The following PRKCA variants were observed in gnomAD, a reference collection of about 807,000 sequenced individuals.
The protein encoded by PRKCA is protein kinase C alpha.
PRKCA carries 27 observed loss-of-function variants against 87.0 expected under a neutral mutation model. The ratio of observed to expected loss-of-function variants is 0.31; its 90% CI spans 0.23 to 0.43. The LOEUF (loss-of-function observed/expected upper bound fraction) is 0.43. Among genes scored for constraint, PRKCA ranks in the 20% least tolerant of loss-of-function variants. The pLI, the probability that PRKCA is intolerant of heterozygous loss-of-function variation, is 1.00. For synonymous variants in PRKCA, 329 were observed against 311.1 expected (o/e 1.06, Z -0.61); for missense variants, 518 against 852.3 (o/e 0.61, Z 4.88).
At chr17:66,483,890 C>T (rs555206308) in intron 2 of PRKCA, among the ~76,000 whole-genome samples, 29 of 152,040 alleles carry the variant, frequency 1.9e-4, no homozygotes, top group African/African-American at 6.3e-4. Context: ...TTCTGAGGTA[C>T]TAGAAGCTAG....
intron 2 of PRKCA, among the ~76,000 whole-genome samples, chr17:66,425,286 A>G (rs1421707921): frequency 1.3e-5 from 2 of 151,614 alleles, no homozygotes; most frequent in African/African-American, 2.4e-5. Flanking sequence ...ACCAACATCC[A>G]CAGACCTCTC....
At position 66,439,160 on chromosome 17, in the gene PRKCA, C is replaced by G. The variant is rs116803322; in HGVS notation, c.206-57041C>G. Among the ~76,000 whole-genome samples the G allele has an allele frequency of 4.1e-3, 627 of 152,004 alleles. 2 individuals carry two copies. The highest frequency in any genetic ancestry group is 0.014 in the African/African-American group (596 of 41,490). ...CCAACAGCCTGTACTACATTAAATA[C>G]TACTGTTACCCACTTTTCTTTTCTT... On this transcript the variant is annotated intron_variant, in intron 2 of 16. Coordinates refer to ENST00000413366, the MANE Select transcript of PRKCA (RefSeq NM_002737.3).
At chr17:66,466,007 A>G (rs1915070637) in intron 2 of PRKCA, among the ~76,000 whole-genome samples, 1 of 152,166 alleles carries the variant, frequency 6.6e-6, no homozygotes, top group Non-Finnish European at 1.5e-5. Flanking sequence ...GTAGGGCTAT[A>G]TAGTTCTCTG....
At chr17:66,527,969 G>A (rs1036988624) in intron 3 of PRKCA, among the ~76,000 whole-genome samples, 2 of 152,114 alleles carry the variant, frequency 1.3e-5, no homozygotes, top group African/African-American at 4.8e-5. Context: ...AGGTCAAGGC[G>A]GGCGGATCAC....
At chr17:66,778,514 T>A (rs923319399) in intron 14 of PRKCA, among the ~76,000 whole-genome samples, 9 of 151,712 alleles carry the variant, frequency 5.9e-5, no homozygotes, top group African/African-American at 1.9e-4. Context: ...AGACTCCATC[T>A]CAAAAAAATA....
rs138102020 is a variant in PRKCA, at chr17:66,459,598, G to A, written c.206-36603G>A. 1.1e-4 allele frequency among the ~76,000 whole-genome samples: 17 copies of A among 152,274 alleles called. No homozygotes were observed. In the East Asian group the frequency reaches 2.7e-3, roughly 24 times the overall value. On this transcript the variant is annotated intron_variant, in intron 2 of 16. Transcript: ENST00000413366. ...AAAAGTGCCAGATAAATGAGATTCC[G>A]CTTGATTTGAGAGCTAAGTTCTATG...
chr17:66,795,632 C>A (rs1355941763), intron 16 of PRKCA, among the ~76,000 whole-genome samples: 2 of 152,180 alleles, frequency 1.3e-5, no homozygotes, highest in Admixed American at 1.3e-4. Flanking sequence ...CTACTGCAAG[C>A]CTCTGGGAGC....
At chr17:66,708,029 A>G (rs921678514) in intron 8 of PRKCA, among the ~76,000 whole-genome samples, 4 of 152,222 alleles carry the variant, frequency 2.6e-5, no homozygotes, top group African/African-American at 9.6e-5. Context: ...CGTGTGGCCA[A>G]GGTGCTCATG....
intron 3 of PRKCA, among the ~76,000 whole-genome samples, chr17:66,561,189 C>T (rs997708261): frequency 5.3e-5 from 8 of 152,120 alleles, no homozygotes; most frequent in African/African-American, 1.7e-4. Context: ...GTAGATGCAC[C>T]GAAATGATCG....
chr17:66,644,451 G>A lies in PRKCA; in HGVS notation c.401-932G>A, dbSNP rs1020244020. Reference sequence around the variant, plus strand: ...TAAAGGTACAAGGGTGATCGAGCTGGAACACCCACACACAGTCTTCTGTTT... The same window carrying A: ...TAAAGGTACAAGGGTGATCGAGCTGAAACACCCACACACAGTCTTCTGTTT... On this transcript the variant is annotated intron_variant, in intron 4 of 16. Coordinates refer to ENST00000413366, the MANE Select transcript of PRKCA (RefSeq NM_002737.3). 5.9e-5 allele frequency among the ~76,000 whole-genome samples: 9 copies of A among 152,206 alleles called. No homozygotes were observed. The South Asian group carries it at 1.0e-3, about 18-fold the overall frequency.
intron 3 of PRKCA, among the ~76,000 whole-genome samples, chr17:66,507,894 A>G (rs1219508793): frequency 6.6e-6 from 1 of 152,192 alleles, no homozygotes; most frequent in African/African-American, 2.4e-5. Context: ...TTTGCTGCTT[A>G]ATACATTTCC....
chr17:66,322,181 G>T (rs933265145), intron 2 of PRKCA, among the ~76,000 whole-genome samples: 2 of 152,090 alleles, frequency 1.3e-5, no homozygotes, highest in Non-Finnish European at 2.9e-5. Context: ...TTATGTCATT[G>T]CCTGGTCTCT....
rs376898012 is a variant in PRKCA, at chr17:66,645,503, A to T, written c.521A>T (p.His174Leu). The change falls in exon 5 of 17, where the codon CAT (histidine) becomes CTT (leucine). Residue 174 changes from histidine (H) to leucine (L), a missense_variant. Coordinates refer to ENST00000413366, the MANE Select transcript of PRKCA (RefSeq NM_002737.3). ...LKAEVADEKL[H>L]VTVRDAKNLI... ...GCTGAGGTTGCTGATGAAAAGCTCC[A>T]TGTCACAGGTAAGGCTTGCTCATCC... 23 of 1,614,044 alleles carry T rather than the reference A, an allele frequency of 1.4e-5. No homozygotes were observed. The highest frequency in any genetic ancestry group is 1.8e-5 in the Non-Finnish European group (21 of 1,180,022).
intron 3 of PRKCA, among the ~76,000 whole-genome samples, chr17:66,502,781 A>G (rs1283262852): frequency 2.0e-5 from 3 of 151,696 alleles, no homozygotes; most frequent in South Asian, 4.2e-4. Context: ...TAGCCTCCCA[A>G]GTAGCTGGGA....
At chr17:66,493,368 A>G (rs1324519365) in intron 2 of PRKCA, among the ~76,000 whole-genome samples, 1 of 151,596 alleles carries the variant, frequency 6.6e-6, no homozygotes, top group Admixed American at 6.6e-5. Context: ...TTACCCATGT[A>G]AAAAATCTTG....
At chr17:66,382,086 C>A (rs1032822839) in intron 2 of PRKCA, among the ~76,000 whole-genome samples, 1 of 151,964 alleles carries the variant, frequency 6.6e-6, no homozygotes, top group African/African-American at 2.4e-5. Flanking sequence ...ACAGATGGAG[C>A]GGTGCAAGGC....
chr17:66,667,707 A>C (rs1473780502), intron 5 of PRKCA, among the ~76,000 whole-genome samples: 1 of 152,230 alleles, frequency 6.6e-6, no homozygotes, highest in Non-Finnish European at 1.5e-5. Context: ...AGCAAAGGTA[A>C]GAGTGTCTGC....
intron 2 of PRKCA, among the ~76,000 whole-genome samples, chr17:66,435,777 G>A (rs1366919176): frequency 6.6e-6 from 1 of 152,198 alleles, no homozygotes; most frequent in Non-Finnish European, 1.5e-5. Flanking sequence ...GTCTTAAGCT[G>A]TGTCTTAAAG....
chr17:66,316,378 T>C (rs1015199875), intron 2 of PRKCA, among the ~76,000 whole-genome samples: 4 of 152,206 alleles, frequency 2.6e-5, no homozygotes, highest in South Asian at 2.1e-4. Flanking sequence ...ATGTAGAAGA[T>C]ACATTGTACT....
Sources: gnomAD v4.1 joint callset for allele counts (sites outside exome capture counted in the v4.1 genomes callset) on GRCh38, gnomAD v4.1.1 for gene constraint, MANE v1.5 for transcripts, NCBI Gene and HGNC (gene_info 2026-07-23, HGNC 2026-07-21) for gene names.